Variants in ADAMTSL3 observed in about 807,000 individuals in gnomAD.
The protein encoded by ADAMTSL3 is ADAMTS like 3.
Under a neutral mutation model 201.7 loss-of-function variants are expected in ADAMTSL3, and 128 were observed. The ratio of observed to expected loss-of-function variants is 0.63; its 90% CI spans 0.55 to 0.73. The LOEUF is 0.73. Among genes scored for constraint, ADAMTSL3 ranks in the 30% least tolerant of loss-of-function variants. ADAMTSL3 has a pLI of 0.00. For missense variants in ADAMTSL3, 1,990 were observed against 2,119.6 expected (o/e 0.94, Z 1.20); for synonymous variants, 738 against 748.4 (o/e 0.99, Z 0.23).
At chr15:83,743,226 T>C (rs1290059254) in intron 3 of ADAMTSL3, among the ~76,000 whole-genome samples, 1 of 152,216 alleles carries the variant, frequency 6.6e-6, no homozygotes, top group Admixed American at 6.5e-5. Flanking sequence ...CATTTACTTT[T>C]TCTGATTTGA....
chr15:83,852,385 A>T (rs913005950), intron 7 of ADAMTSL3, among the ~76,000 whole-genome samples: 8 of 152,200 alleles, frequency 5.3e-5, no homozygotes, highest in African/African-American at 1.9e-4. Context: ...AAGTGCTGGG[A>T]TTACAGGCGT....
chr15:83,770,943 T>A (rs2062972672), intron 3 of ADAMTSL3, among the ~76,000 whole-genome samples: 1 of 152,092 alleles, frequency 6.6e-6, no homozygotes, highest in East Asian at 1.9e-4. Context: ...GGCAGGCACC[T>A]GTAGTCCCAG....
chr15:83,841,149 G>A (rs1196824479), intron 7 of ADAMTSL3, among the ~76,000 whole-genome samples: 4 of 152,232 alleles, frequency 2.6e-5, no homozygotes, highest in Non-Finnish European at 5.9e-5. Context: ...AAACCAAGTA[G>A]TTAGCATTCT....
At chr15:84,013,791 A>AAG (rs1421119752) in intron 23 of ADAMTSL3, among the ~76,000 whole-genome samples, 4 of 152,156 alleles carry the variant, frequency 2.6e-5, no homozygotes, top group African/African-American at 9.7e-5. Flanking sequence ...AAAGAAGAAG[A>AAG]AGAAGAACCA....
intron 7 of ADAMTSL3, among the ~76,000 whole-genome samples, chr15:83,854,392 G>A (rs1478226014): frequency 6.6e-6 from 1 of 152,162 alleles, no homozygotes; most frequent in Non-Finnish European, 1.5e-5. Context: ...TGATCAGCAA[G>A]GTCTTAGGTT....
rs577686321 is a variant in ADAMTSL3, at chr15:83,762,132, C to T, written c.190-11391C>T. On this transcript the variant is annotated intron_variant, in intron 3 of 29. Coordinates refer to ENST00000286744, the MANE Select transcript of ADAMTSL3 (RefSeq NM_207517.3). The stretch of plus-strand genomic sequence containing the variant: ...GTGGCGTGATCTCAGCTCACTGCAA[C>T]CTCCACCTCCTGGGTTCAAGTGATT... Among the ~76,000 whole-genome samples, 209 of 152,034 alleles carry T rather than the reference C, an allele frequency of 1.4e-3. 1 individual carries two copies. The highest frequency in any genetic ancestry group is 4.8e-3 in the African/African-American group (199 of 41,452).
intron 26 of ADAMTSL3, 104 bp downstream of exon 26, chr15:84,021,697 C>G: frequency 8.0e-7 from 1 of 1,255,596 alleles, no homozygotes; most frequent in East Asian, 2.5e-5. Flanking sequence ...TTTTTTTTAT[C>G]ACTTACTGTA....
At chr15:83,677,874 C>T (rs1306244937) in intron 2 of ADAMTSL3, among the ~76,000 whole-genome samples, 1 of 151,380 alleles carries the variant, frequency 6.6e-6, no homozygotes, top group Non-Finnish European at 1.5e-5. Flanking sequence ...TTCTTGCCTT[C>T]CTGTGGGTTA....
intron 16 of ADAMTSL3, among the ~76,000 whole-genome samples, chr15:83,918,922 A>G (rs780355770): frequency 2.0e-5 from 3 of 152,078 alleles, no homozygotes; most frequent in Non-Finnish European, 4.4e-5. Flanking sequence ...CATGGTAGAG[A>G]TGGAGTATGG....
intron 4 of ADAMTSL3, among the ~76,000 whole-genome samples, chr15:83,795,954 C>A (rs1376576481): frequency 6.6e-6 from 1 of 151,996 alleles, no homozygotes; most frequent in Non-Finnish European, 1.5e-5. Context: ...GCAGGCACAA[C>A]ATTGATGATA....
Position 83,773,591 on chromosome 15 carries a change from C to G in ADAMTSL3, c.258C>G (p.Asp86Glu), listed in dbSNP as rs1421107617. 6.2e-7 allele frequency: 1 copy of G among 1,613,974 alleles called. No individual in the cohort carries two copies. Among genetic ancestry groups the G allele is most frequent in the East Asian group, 2.2e-5 (1 of 44,874 alleles). Residue 86 changes from aspartate to glutamate, a missense_variant, in exon 4 of 30, where the codon GAC becomes GAG. Transcript: ENST00000286744. ...GGGATGCTTGGGGCGACTGGAGTGACTGCTCCCGGACCTGTGGGGGAGGAG... is the reference window on the plus strand; with the variant it reads ...GGGATGCTTGGGGCGACTGGAGTGAGTGCTCCCGGACCTGTGGGGGAGGAG... ...GNWDAWGDWS[D>E]CSRTCGGGAS...
chr15:83,744,458 T>C (rs1045229119), intron 3 of ADAMTSL3, among the ~76,000 whole-genome samples: 12 of 152,342 alleles, frequency 7.9e-5, no homozygotes, highest in East Asian at 1.9e-4. Flanking sequence ...ATTAATTTTC[T>C]TTTAAAAAAT....
intron 2 of ADAMTSL3, among the ~76,000 whole-genome samples, chr15:83,689,837 G>T (rs1181682940): frequency 6.6e-6 from 1 of 151,956 alleles, no homozygotes; most frequent in East Asian, 1.9e-4. Context: ...TTTTTTTAAA[G>T]ATGAGAATTA....
chr15:83,789,508 A>G (rs2063312576), intron 4 of ADAMTSL3, among the ~76,000 whole-genome samples: 6 of 151,880 alleles, frequency 4.0e-5, no homozygotes, highest in Admixed American at 3.9e-4. Context: ...TTGTTTATTC[A>G]AGTTTAAGGA....
At chr15:83,953,313 G>T (rs1277645377) in intron 19 of ADAMTSL3, among the ~76,000 whole-genome samples, 2 of 151,676 alleles carry the variant, frequency 1.3e-5, no homozygotes, top group African/African-American at 4.8e-5. Flanking sequence ...TATGGTTTTT[G>T]ATTTGAGATT....
chr15:83,810,165 A>G (rs2063670526), intron 5 of ADAMTSL3, among the ~76,000 whole-genome samples: 1 of 152,222 alleles, frequency 6.6e-6, no homozygotes, highest in Non-Finnish European at 1.5e-5. Flanking sequence ...AGAAGTAACC[A>G]GATTTTTATC....
chr15:83,962,224 AGCC>A (rs765468660), intron 19 of ADAMTSL3: 5 of 152,174 alleles, frequency 3.3e-5, no homozygotes, highest in Non-Finnish European at 7.3e-5. Context: ...AGGCTTCCCT[AGCC>A]ACGTGGAACT....
At chr15:83,901,330 C>T (rs1291823549) in intron 15 of ADAMTSL3, among the ~76,000 whole-genome samples, 1 of 151,976 alleles carries the variant, frequency 6.6e-6, no homozygotes, top group Non-Finnish European at 1.5e-5. Context: ...CCCAGGAAAG[C>T]TTATTGTTCC....
intron 3 of ADAMTSL3, among the ~76,000 whole-genome samples, chr15:83,720,515 G>A (rs1024261032): frequency 7.9e-5 from 12 of 152,150 alleles, no homozygotes; most frequent in African/African-American, 2.9e-4. Context: ...CTTTGTAAAA[G>A]CATCCCCGTG....
Sources: gnomAD v4.1 joint callset for allele counts (sites outside exome capture counted in the v4.1 genomes callset) on GRCh38, gnomAD v4.1.1 for gene constraint, MANE v1.5 for transcripts, NCBI Gene and HGNC (gene_info 2026-07-23, HGNC 2026-07-21) for gene names.